MLLT3: variants seen among roughly 807,000 people sequenced by gnomAD.
MLLT3 encodes the protein MLLT3 super elongation complex subunit.
Under a neutral mutation model 53.2 loss-of-function variants are expected in MLLT3, and 4 were observed. The observed-to-expected ratio is 0.08, with a 90% CI of 0.04 to 0.17. The LOEUF (loss-of-function observed/expected upper bound fraction) is 0.17, where lower values mean the gene tolerates loss of function less well. MLLT3 is among the 10% of genes least tolerant of loss of function. The pLI, the probability that MLLT3 is intolerant of heterozygous loss-of-function variation, is 1.00. For synonymous variants in MLLT3, 283 were observed against 230.6 expected (o/e 1.23, Z -2.06); for missense variants, 569 against 684.0 (o/e 0.83, Z 1.87).
intron 2 of MLLT3, among the ~76,000 whole-genome samples, chr9:20,573,188 G>GTTTTTT (rs59285839): frequency 7.1e-6 from 1 of 141,704 alleles, no homozygotes. Context: ...TTTTTGTTTT[G>GTTTTTT]TTTTTTTTTT....
chr9:20,359,854 C>T lies in MLLT3; in HGVS notation c.1431+888G>A, dbSNP rs1821272119. On this transcript the variant is annotated intron_variant, in intron 8 of 10. Transcript: ENST00000380338. ...AGAGGTCATAGGAAATCTGTCGACA[C>T]AAAAAGATAAGAAAAACTTATGGTA... is the stretch of plus-strand genomic sequence containing the variant. Among the ~76,000 whole-genome samples the T allele has an allele frequency of 2.0e-5, 3 of 152,094 alleles. No individual in the cohort carries two copies. The South Asian group carries it at 6.2e-4, about 32-fold the overall frequency.
rs60526002 is a variant in MLLT3 at position 20,620,252 on chromosome 9, A to AACACACACAC, written c.193+392_193+401dup. ...AGGTAAATCTTAATTTCTCTAGGAA[A>AACACACACAC]ACACACACACACACACACACACACA... On this transcript the variant is annotated intron_variant, in intron 2 of 10. Transcript: ENST00000380338. The surrounding 1 kb of genome is among the most constrained non-coding windows in gnomAD (Gnocchi z 6.1). 2.8e-5 allele frequency among the ~76,000 whole-genome samples: 4 copies of AACACACACAC among 142,604 alleles called. No homozygotes were observed. The highest frequency in any genetic ancestry group is 7.8e-5 in the African/African-American group (3 of 38,394). The allele number at this position is 142,604 out of a possible 152,430, so 93.6% of individuals were successfully genotyped here.
chr9:20,411,240 T>A (rs1365203661), intron 5 of MLLT3: 3 of 153,080 alleles, frequency 2.0e-5, no homozygotes, highest in African/African-American at 7.2e-5. Flanking sequence ...CTGTTCCTTT[T>A]GTCTTGCTGG....
chr9:20,381,207 A>C (rs545958785), intron 5 of MLLT3, among the ~76,000 whole-genome samples: 19 of 152,118 alleles, frequency 1.2e-4, no homozygotes, highest in Admixed American at 7.9e-4. Flanking sequence ...GTTTTAGTGC[A>C]TCAGAAAAAC....
Position 20,574,451 on chromosome 9 carries a change from A to G in MLLT3, c.193+46203T>C, listed in dbSNP as rs193209081. 2.6e-5 allele frequency among the ~76,000 whole-genome samples: 4 copies of G among 152,368 alleles called. No homozygotes were observed. The East Asian group carries it at 7.7e-4, about 29-fold the overall frequency. On this transcript the variant is annotated intron_variant, in intron 2 of 10. Coordinates refer to ENST00000380338, the MANE Select transcript of MLLT3 (RefSeq NM_004529.4). ...TGACTGAAATAAAGTGAATACCACA[A>G]TAAAGAAAATCACACAATTTTTTGG...
intron 2 of MLLT3, among the ~76,000 whole-genome samples, chr9:20,560,563 G>A (rs551875050): frequency 2.6e-5 from 4 of 152,198 alleles, no homozygotes; most frequent in African/African-American, 7.2e-5. Context: ...TTTTACAAAC[G>A]TGATGTTGAT....
chr9:20,592,581 T>G (rs147881470), intron 2 of MLLT3, among the ~76,000 whole-genome samples: 1 of 152,206 alleles, frequency 6.6e-6, no homozygotes, highest in Admixed American at 6.5e-5. Flanking sequence ...TACCTCCAAA[T>G]AGTCATTCTT....
chr9:20,532,102 A>T (rs1341986089), intron 2 of MLLT3, among the ~76,000 whole-genome samples: 1 of 152,120 alleles, frequency 6.6e-6, no homozygotes, highest in African/African-American at 2.4e-5. Flanking sequence ...AACGGCCCCT[A>T]AATGTCATGG....
At chr9:20,433,707 C>T (rs1356040000) in intron 4 of MLLT3, among the ~76,000 whole-genome samples, 2 of 152,034 alleles carry the variant, frequency 1.3e-5, no homozygotes, top group African/African-American at 2.4e-5. Flanking sequence ...TCTTTAAAAT[C>T]TTCAAGTTCA....
intron 2 of MLLT3, among the ~76,000 whole-genome samples, chr9:20,484,040 G>A (rs1026956637): frequency 2.0e-5 from 3 of 152,028 alleles, no homozygotes; most frequent in African/African-American, 7.2e-5. Context: ...GCATAGATTA[G>A]TAGATATATT....
chr9:20,366,237 C>T (rs916184444), intron 5 of MLLT3, among the ~76,000 whole-genome samples: 1 of 152,092 alleles, frequency 6.6e-6, no homozygotes, highest in Non-Finnish European at 1.5e-5. Flanking sequence ...TGTTATGTTC[C>T]CCTCCCTGTG....
At chr9:20,570,592 G>T (rs985134961) in intron 2 of MLLT3, among the ~76,000 whole-genome samples, 1 of 152,170 alleles carries the variant, frequency 6.6e-6, no homozygotes, top group African/African-American at 2.4e-5. Context: ...TTTATGACAT[G>T]AGTAGAAAAT....
intron 2 of MLLT3, among the ~76,000 whole-genome samples, chr9:20,529,534 T>C (rs1394750137): frequency 6.6e-6 from 1 of 152,210 alleles, no homozygotes; most frequent in African/African-American, 2.4e-5. Flanking sequence ...TTAGTTCATT[T>C]AATTGACCTT....
intron 2 of MLLT3, among the ~76,000 whole-genome samples, chr9:20,605,541 G>C (rs1228793469): frequency 6.6e-6 from 1 of 152,074 alleles, no homozygotes; most frequent in East Asian, 1.9e-4. Context: ...TAAGTTATGT[G>C]GGAATAGATA....
chr9:20,408,566 C>A (rs1049280653), intron 5 of MLLT3, among the ~76,000 whole-genome samples: 1 of 152,254 alleles, frequency 6.6e-6, no homozygotes, highest in Non-Finnish European at 1.5e-5. Flanking sequence ...AAAACAGGAG[C>A]CTCCGATGAG....
chr9:20,513,768 T>A (rs529458790), intron 2 of MLLT3, among the ~76,000 whole-genome samples: 1 of 152,250 alleles, frequency 6.6e-6, no homozygotes, highest in South Asian at 2.1e-4. Context: ...AGGGAGTGGA[T>A]AGTGTGTCAA....
intron 2 of MLLT3, among the ~76,000 whole-genome samples, chr9:20,506,558 C>A (rs1281670952): frequency 6.6e-6 from 1 of 152,024 alleles, no homozygotes; most frequent in Non-Finnish European, 1.5e-5. Context: ...AGATTTCTGG[C>A]GTTGACTCAT....
chr9:20,435,636 T>C (rs976100031), intron 4 of MLLT3, among the ~76,000 whole-genome samples: 1 of 152,142 alleles, frequency 6.6e-6, no homozygotes. Flanking sequence ...CCGAGCTATG[T>C]AGGCAGAAAG....
intron 4 of MLLT3, among the ~76,000 whole-genome samples, chr9:20,447,439 T>G (rs796146858): frequency 7.9e-5 from 12 of 152,326 alleles, no homozygotes; most frequent in African/African-American, 1.9e-4. Flanking sequence ...CCAGTGACAC[T>G]CATTGTCAAA....
Sources: gnomAD v4.1 joint callset for allele counts (sites outside exome capture counted in the v4.1 genomes callset) on GRCh38, gnomAD v4.1.1 for gene constraint, Gnocchi (gnomAD v3.1) non-coding constraint, MANE v1.5 for transcripts, NCBI Gene and HGNC (gene_info 2026-07-23, HGNC 2026-07-21) for gene names.